The following CADM2 variants were observed in gnomAD, a reference collection of about 807,000 sequenced individuals.
CADM2 encodes the protein immunoglobulin superfamily member 4D.
A neutral mutation model predicts 49.8 loss-of-function variants in CADM2; 12 were observed. That is an observed-to-expected ratio of 0.24 (90% CI 0.15 to 0.39). The LOEUF is 0.39. Ranked by LOEUF, CADM2 falls within the 10% of genes least tolerant of loss-of-function variation. CADM2 has a pLI of 1.00. For missense variants in CADM2, 378 were observed against 492.3 expected (o/e 0.77, Z 2.20); for synonymous variants, 214 against 175.4 (o/e 1.22, Z -1.74).
At chr3:85,206,039 A>G (rs1210013283) in intron 1 of CADM2, among the ~76,000 whole-genome samples, 2 of 152,152 alleles carry the variant, frequency 1.3e-5, no homozygotes, top group Non-Finnish European at 2.9e-5. Flanking sequence ...AAACACTACA[A>G]TGACCCCAGT....
At chr3:85,173,308 A>C (rs1163506977) in intron 1 of CADM2, among the ~76,000 whole-genome samples, 3 of 152,188 alleles carry the variant, frequency 2.0e-5, no homozygotes, top group Non-Finnish European at 4.4e-5. Flanking sequence ...GACTTCTATA[A>C]ATCAGTTTTA....
chr3:86,043,027 C>T (rs972428648), intron 8 of CADM2, among the ~76,000 whole-genome samples: 24 of 152,152 alleles, frequency 1.6e-4, no homozygotes, highest in Non-Finnish European at 2.9e-5. Context: ...TAAAATTCAA[C>T]AGCCCTTCAT....
At chr3:84,965,185 A>G (rs1170512559) in intron 1 of CADM2, among the ~76,000 whole-genome samples, 1 of 152,256 alleles carries the variant, frequency 6.6e-6, no homozygotes, top group African/African-American at 2.4e-5. Flanking sequence ...GAAAATGTCA[A>G]GCATTTTTGG....
chr3:85,769,175 C>T (rs1187744427), intron 2 of CADM2, among the ~76,000 whole-genome samples: 1 of 80,688 alleles, frequency 1.2e-5, no homozygotes, highest in Admixed American at 2.0e-4. Context: ...TATATATACA[C>T]ATATATACAT....
intron 1 of CADM2, among the ~76,000 whole-genome samples, chr3:84,979,432 G>A (rs2032028588): frequency 6.6e-6 from 1 of 152,054 alleles, no homozygotes; most frequent in Admixed American, 6.6e-5. Flanking sequence ...GTGTGTGCCT[G>A]TGTACATACT....
intron 8 of CADM2, among the ~76,000 whole-genome samples, chr3:86,047,501 G>T (rs1372017667): frequency 6.6e-6 from 1 of 152,254 alleles, no homozygotes; most frequent in East Asian, 1.9e-4. Context: ...AACTGATTTA[G>T]TCATGACCCT....
At chr3:85,691,658 A>G (rs181921318) in intron 1 of CADM2, among the ~76,000 whole-genome samples, 2 of 152,318 alleles carry the variant, frequency 1.3e-5, no homozygotes, top group Non-Finnish European at 2.9e-5. Flanking sequence ...TCATGCTGCT[A>G]TAAAGACACA....
At chr3:85,267,737 C>T (rs572889420) in intron 1 of CADM2, among the ~76,000 whole-genome samples, 1 of 151,450 alleles carries the variant, frequency 6.6e-6, no homozygotes, top group South Asian at 2.1e-4. Context: ...TGGACATAAA[C>T]AAAAACTGAC....
chr3:85,185,506 C>T (rs1313099783), intron 1 of CADM2, among the ~76,000 whole-genome samples: 1 of 151,930 alleles, frequency 6.6e-6, no homozygotes, highest in Non-Finnish European at 1.5e-5. Flanking sequence ...AAGTTAAGTC[C>T]ACATTATTTA....
intron 1 of CADM2, among the ~76,000 whole-genome samples, chr3:85,686,669 A>G (rs941002871): frequency 6.6e-6 from 1 of 152,186 alleles, no homozygotes; most frequent in Non-Finnish European, 1.5e-5. Context: ...TTGGGGCCCT[A>G]AAATCACTAA....
chr3:85,297,578 C>G (rs543324272), intron 1 of CADM2, among the ~76,000 whole-genome samples: 1 of 152,090 alleles, frequency 6.6e-6, no homozygotes, highest in East Asian at 1.9e-4. Context: ...AAGGCAGACT[C>G]CTAATAACAT....
intron 1 of CADM2, among the ~76,000 whole-genome samples, chr3:85,101,915 A>G (rs187773867): frequency 6.6e-6 from 1 of 152,314 alleles, no homozygotes; most frequent in East Asian, 1.9e-4. Flanking sequence ...TGACACCCAC[A>G]GTGTGTATCT....
At chr3:85,240,436 T>G (rs931046583) in intron 1 of CADM2, among the ~76,000 whole-genome samples, 1 of 151,546 alleles carries the variant, frequency 6.6e-6, no homozygotes, top group Non-Finnish European at 1.5e-5. Flanking sequence ...TAATGATTAT[T>G]GCTCATAAAA....
intron 8 of CADM2, among the ~76,000 whole-genome samples, chr3:86,060,827 C>G (rs545053593): frequency 6.6e-6 from 1 of 151,928 alleles, no homozygotes; most frequent in Non-Finnish European, 1.5e-5. Flanking sequence ...ACTGAAAATA[C>G]AGAAATTAGC....
At chr3:85,915,696 A>G (rs1718202403) in intron 6 of CADM2, among the ~76,000 whole-genome samples, 1 of 152,172 alleles carries the variant, frequency 6.6e-6, no homozygotes, top group South Asian at 2.1e-4. Flanking sequence ...TCAGCCTTGG[A>G]AACGAAGAAG....
chr3:84,966,905 A>C (rs1237751339), intron 1 of CADM2, among the ~76,000 whole-genome samples: 12 of 152,086 alleles, frequency 7.9e-5, no homozygotes, highest in Admixed American at 6.6e-4. Context: ...GGCATTGCTT[A>C]GAAAATAAAA....
rs545611296 is a variant in CADM2, at chr3:86,048,221, T to A, written c.971-17384T>A. Among the ~76,000 whole-genome samples, 385 of 152,148 alleles carry A rather than the reference T, an allele frequency of 2.5e-3. 1 individual carries two copies. The highest frequency in any genetic ancestry group is 9.0e-3 in the African/African-American group (373 of 41,542). ...TTTCAAAGTTAGAAAAACGAATATATATGTATTTGTTTAAAGATTTGTACA... is the reference window on the plus strand; with the variant it reads ...TTTCAAAGTTAGAAAAACGAATATAAATGTATTTGTTTAAAGATTTGTACA... On this transcript the variant is annotated intron_variant, in intron 8 of 9. Transcript: ENST00000383699.
intron 1 of CADM2, among the ~76,000 whole-genome samples, chr3:85,032,805 T>A (rs1412848958): frequency 6.6e-6 from 1 of 152,156 alleles, no homozygotes; most frequent in Non-Finnish European, 1.5e-5. Context: ...AAAAAGAGAA[T>A]AAAATGAACT....
rs1186961643 is a variant in CADM2 at position 85,851,445 on chromosome 3, A to G, written c.239-31846A>G. Among the ~76,000 whole-genome samples the G allele has an allele frequency of 2.0e-5, 3 of 152,160 alleles. No individual in the cohort carries two copies. In the East Asian group the frequency reaches 5.8e-4, roughly 29 times the overall value. On this transcript the variant is annotated intron_variant, in intron 3 of 9. Transcript: ENST00000383699. ...ATGTTTGAGGTCTGTAAAACAATTCAAATCTCCTCTTAGGAACCAGAACAC... is the reference window on the plus strand; with the variant it reads ...ATGTTTGAGGTCTGTAAAACAATTCGAATCTCCTCTTAGGAACCAGAACAC...
Sources: allele counts gnomAD v4.1 joint callset (sites outside exome capture counted in the v4.1 genomes callset), GRCh38; gene constraint gnomAD v4.1.1; transcripts MANE v1.5; gene names NCBI Gene and HGNC (gene_info 2026-07-23, HGNC 2026-07-21).